Variants in CDR2 observed in about 807,000 individuals in gnomAD.
CDR2 encodes cerebellar degeneration related protein 2.
In CDR2, 34 loss-of-function variants were observed where a neutral mutation model predicts 48.4. That is an observed-to-expected ratio of 0.70 (90% CI 0.53 to 0.94). CDR2 has a LOEUF of 0.94. Among genes scored for constraint, CDR2 ranks in the 40% least tolerant of loss-of-function variants. The pLI is 0.00. For synonymous variants in CDR2, 240 were observed against 219.7 expected, an observed-to-expected ratio of 1.09 and a Z score of -0.82; for missense variants, 498 against 549.5, an observed-to-expected ratio of 0.91 and a Z score of 0.94.
chr16:22,347,829 G>GA lies in CDR2; in HGVS notation c.507-7dup, dbSNP rs371413069. ...CATGATCATACACGAAGTGTCTAGGGAAAAAAATATTGAAAGAATATATTA... is the reference window on the plus strand; with the variant it reads ...CATGATCATACACGAAGTGTCTAGGGAAAAAAAATATTGAAAGAATATATTA... On this transcript the variant is annotated splice_polypyrimidine_tract_variant and splice_region_variant and intron_variant, in intron 4 of 4. Transcript: ENST00000268383. 5.6e-4 allele frequency: 892 copies of GA among 1,597,462 alleles called. 3 individuals carry two copies. In the African/African-American group the frequency reaches 0.011, roughly 19 times the overall value.
chr16:22,364,218 T>C (rs761510464), intron 2 of CDR2, among the ~76,000 whole-genome samples: 24 of 152,120 alleles, frequency 1.6e-4, no homozygotes, highest in Non-Finnish European at 2.2e-4. Flanking sequence ...GCTGAGATTA[T>C]AGGCATAAGC....
At chr16:22,354,051 TAC>T (rs1192437632) in intron 2 of CDR2, among the ~76,000 whole-genome samples, 4 of 152,234 alleles carry the variant, frequency 2.6e-5, no homozygotes, top group Admixed American at 1.3e-4. Flanking sequence ...TATTTAAAGC[TAC>T]AGTTTTCAAA....
chr16:22,356,606 C>T (rs1266645149), intron 2 of CDR2, among the ~76,000 whole-genome samples: 2 of 151,924 alleles, frequency 1.3e-5, no homozygotes, highest in African/African-American at 2.4e-5. Flanking sequence ...TACAAAAATT[C>T]GCCGGGCATG....
At chr16:22,371,637 A>G (rs2049077282) in intron 1 of CDR2, among the ~76,000 whole-genome samples, 1 of 152,232 alleles carries the variant, frequency 6.6e-6, no homozygotes, top group African/African-American at 2.4e-5. Flanking sequence ...TAACTTAGCA[A>G]AACTGGGGAA....
chr16:22,373,505 C>A (rs900740169), intron 1 of CDR2, among the ~76,000 whole-genome samples: 1 of 152,226 alleles, frequency 6.6e-6, no homozygotes, highest in African/African-American at 2.4e-5. Context: ...CCCTCCCACA[C>A]TTAGCTTTAG....
chr16:22,347,547 C>T lies in CDR2; in HGVS notation c.783G>A (p.Leu261=), dbSNP rs371492143. The change falls in exon 5 of 5, where the codon TTG becomes TTA. Residue 261 remains leucine, a synonymous_variant. Coordinates refer to ENST00000268383, the MANE Select transcript of CDR2 (RefSeq NM_001802.2). The stretch of plus-strand genomic sequence containing the variant: ...CATTCACAAATGGATGCTCTGACTG[C>T]AACATCTGTCGCATCTCTGCCACCT... ...EAEVAEMRQM[L]QSEHPFVNGV... is the part of the protein sequence containing the mutation. 6.2e-7 allele frequency: 1 copy of T among 1,614,154 alleles called. No individual in the cohort carries two copies. Among genetic ancestry groups the T allele is most frequent in the Non-Finnish European group, 8.5e-7 (1 of 1,180,038 alleles).
At chr16:22,362,658 A>C (rs2049017738) in intron 2 of CDR2, among the ~76,000 whole-genome samples, 1 of 152,246 alleles carries the variant, frequency 6.6e-6, no homozygotes, top group Non-Finnish European at 1.5e-5. Flanking sequence ...ATCGTTTAGG[A>C]CTATTCTGAA....
rs759267441 is a variant in CDR2, at chr16:22,349,408, A to T, written c.377T>A (p.Ile126Asn). Residue 126 changes from isoleucine (I) to asparagine (N), a missense_variant, in exon 4 of 5, where the codon ATT becomes AAT. Coordinates refer to ENST00000268383, the MANE Select transcript of CDR2 (RefSeq NM_001802.2). ...CTCCACTTGGCTCTGGAGGTGATCA[A>T]TGTTGGTTTGCAGGCATTCAATCGT... ...TETIECLQTN[I>N]DHLQSQVEEL... is the part of the protein sequence containing the mutation. The T allele has an allele frequency of 4.3e-6, 7 of 1,614,106 alleles. No individual in the cohort carries two copies. The South Asian group carries it at 7.7e-5, about 18-fold the overall frequency.
chr16:22,352,146 G>C (rs1444744909), intron 2 of CDR2, among the ~76,000 whole-genome samples: 1 of 152,192 alleles, frequency 6.6e-6, no homozygotes, highest in Non-Finnish European at 1.5e-5. Flanking sequence ...CACGTACTCA[G>C]GAGGCTGAGG....
intron 2 of CDR2, among the ~76,000 whole-genome samples, chr16:22,358,137 C>A (rs1294177940): frequency 1.3e-5 from 2 of 152,104 alleles, no homozygotes; most frequent in African/African-American, 4.8e-5. Flanking sequence ...GGAGTCAGTG[C>A]TTCATTTTTT....
At position 22,364,919 on chromosome 16, in the gene CDR2, GCTC is replaced by G; in HGVS notation, c.172_174del (p.Glu58del). 6.2e-7 allele frequency: 1 copy of G among 1,605,462 alleles called. No homozygotes were observed. ...TGAATTACCTCAATTTCCTGTAACT[GCTC>G]CTGATTGGTTGTATACATCTGCTGA... is the stretch of plus-strand genomic sequence containing the variant. On this transcript the variant is annotated inframe_deletion, in exon 2 of 5. Transcript: ENST00000268383.
chr16:22,363,233 C>T (rs1268614211), intron 2 of CDR2, among the ~76,000 whole-genome samples: 2 of 152,122 alleles, frequency 1.3e-5, no homozygotes, highest in African/African-American at 4.8e-5. Flanking sequence ...TGAGCCATCG[C>T]GCCCGGCCTA....
intron 1 of CDR2, among the ~76,000 whole-genome samples, chr16:22,369,890 C>A (rs895073947): frequency 1.1e-4 from 17 of 152,326 alleles, no homozygotes; most frequent in African/African-American, 4.1e-4. Flanking sequence ...TACACCTGTT[C>A]ATCTCTACAG....
intron 1 of CDR2, 28 bp downstream of exon 1, chr16:22,374,203 C>G: frequency 1.3e-6 from 2 of 1,525,026 alleles, no homozygotes; most frequent in Non-Finnish European, 1.8e-6. Context: ...CAGGCCGCCG[C>G]CCGCCCGCGG....
rs1020716649 is a variant in CDR2, at chr16:22,347,258, C to T, written c.1072G>A (p.Val358Met). Residue 358 changes from valine to methionine, a missense_variant, in exon 5 of 5, where the codon GTG (valine) becomes ATG (methionine). Transcript: ENST00000268383. ...EVDTQYSALK[V>M]KYEELLKKCQ... ...TTCTTCAGCAACTCTTCATACTTCA[C>T]CTTCAGGGCGCTGTACTGCGTGTCC... is the stretch of plus-strand genomic sequence containing the variant. The T allele has an allele frequency of 6.2e-7, 1 of 1,614,248 alleles. No individual in the cohort carries two copies.
intron 2 of CDR2, among the ~76,000 whole-genome samples, chr16:22,352,540 C>CT (rs1257725091): frequency 6.6e-6 from 1 of 152,010 alleles, no homozygotes; most frequent in Non-Finnish European, 1.5e-5. Flanking sequence ...CAGCTGACAC[C>CT]TTATAATACC....
At chr16:22,359,681 T>C (rs772404961) in intron 2 of CDR2, among the ~76,000 whole-genome samples, 60 of 152,146 alleles carry the variant, frequency 3.9e-4, no homozygotes, top group Non-Finnish European at 7.9e-4. Context: ...TCTCTAGCTA[T>C]TTGCAATTAA....
At chr16:22,359,319 G>C (rs1428393005) in intron 2 of CDR2, among the ~76,000 whole-genome samples, 1 of 152,070 alleles carries the variant, frequency 6.6e-6, no homozygotes, top group East Asian at 1.9e-4. Flanking sequence ...CAGAGATGGG[G>C]TTTCGCCATC....
chr16:22,363,535 G>A (rs2049024831), intron 2 of CDR2, among the ~76,000 whole-genome samples: 1 of 152,228 alleles, frequency 6.6e-6, no homozygotes, highest in Non-Finnish European at 1.5e-5. Flanking sequence ...AGGAAGGACT[G>A]TGTAATTCTC....
Sources: allele counts gnomAD v4.1 joint callset (sites outside exome capture counted in the v4.1 genomes callset), GRCh38; gene constraint gnomAD v4.1.1; transcripts MANE v1.5; gene names NCBI Gene and HGNC (gene_info 2026-07-23, HGNC 2026-07-21).